The following GOT2 variants were observed in gnomAD, a reference collection of about 807,000 sequenced individuals.
GOT2 encodes aspartate aminotransferase, mitochondrial.
GOT2 carries 17 observed loss-of-function variants against 50.0 expected under a neutral mutation model. The ratio of observed to expected loss-of-function variants is 0.34; its 90% CI spans 0.23 to 0.51. The LOEUF is 0.51. Among genes scored for constraint, GOT2 ranks in the 20% least tolerant of loss-of-function variants. The pLI, the probability that GOT2 is intolerant of heterozygous loss-of-function variation, is 0.97. For synonymous variants in GOT2, 172 were observed against 204.9 expected (o/e 0.84, Z 1.37); for missense variants, 430 against 559.6 (o/e 0.77, Z 2.34).
At chr16:58,717,643 A>G (rs2044704739) in intron 6 of GOT2, among the ~76,000 whole-genome samples, 1 of 152,172 alleles carries the variant, frequency 6.6e-6, no homozygotes, top group South Asian at 2.1e-4. Flanking sequence ...GCCAGTGGAC[A>G]GGTTTTATCA....
At chr16:58,718,480 A>G (rs373852013) in intron 5 of GOT2, 47 bp downstream of exon 5, 1 of 1,519,312 alleles carries the variant, frequency 6.6e-7, no homozygotes, top group Non-Finnish European at 8.9e-7. Flanking sequence ...AAATGTCCGC[A>G]AGCAAGGAGT....
At chr16:58,721,482 C>T (rs1401275177) in intron 3 of GOT2, among the ~76,000 whole-genome samples, 1 of 152,114 alleles carries the variant, frequency 6.6e-6, no homozygotes, top group East Asian at 1.9e-4. Flanking sequence ...AAGCTTAGGA[C>T]ATGAGGGTGT....
intron 1 of GOT2, among the ~76,000 whole-genome samples, chr16:58,729,620 T>C (rs1221188109): frequency 6.6e-6 from 1 of 152,136 alleles, no homozygotes; most frequent in East Asian, 1.9e-4. Flanking sequence ...ATCATTCTTG[T>C]TAAATGGTGT....
At chr16:58,734,012 AGTGTGTGT>A in intron 1 of GOT2, 120 bp downstream of exon 1, 2 of 433,094 alleles carry the variant, frequency 4.6e-6, no homozygotes, top group Non-Finnish European at 7.8e-6. Flanking sequence ...GTGGCAGAAA[AGTGTGTGT>A]GTGTGCGTGT....
rs77969913 is a variant in GOT2, at chr16:58,724,421, T to G, written c.90-519A>C. Among the ~76,000 whole-genome samples, 134 of 152,166 alleles carry G rather than the reference T, an allele frequency of 8.8e-4. 2 individuals carry two copies. In the East Asian group the frequency reaches 0.017, roughly 20 times the overall value. On this transcript the variant is annotated intron_variant, in intron 1 of 9. Transcript: ENST00000245206. ...CAGCCTCCGTGAGCCAAAACAGTAT[T>G]GATTTACAGAAAATTGAGCAGATAG...
intron 8 of GOT2, among the ~76,000 whole-genome samples, chr16:58,710,165 C>T (rs30840): frequency 0.74 from 112,258 of 152,004 alleles, 42,021 homozygotes; most frequent in Middle Eastern, 0.89. Flanking sequence ...CCCAGAGTGC[C>T]GGGATTACAG....
chr16:58,716,553 T>C (rs1300132146), intron 7 of GOT2, 110 bp downstream of exon 7: 12 of 838,874 alleles, frequency 1.4e-5, no homozygotes, highest in Non-Finnish European at 1.8e-5. Context: ...GACATGGACA[T>C]GGATGGACAC....
intron 1 of GOT2, among the ~76,000 whole-genome samples, chr16:58,725,700 T>A (rs1414922466): frequency 6.6e-6 from 1 of 152,218 alleles, no homozygotes; most frequent in Non-Finnish European, 1.5e-5. Context: ...CTGCGTGTGT[T>A]CACGAGTTTT....
intron 6 of GOT2, among the ~76,000 whole-genome samples, chr16:58,717,735 GGCTGGAGT>G (rs2044705527): frequency 6.6e-6 from 1 of 152,138 alleles, no homozygotes; most frequent in African/African-American, 2.4e-5. Context: ...TTGTTGCCCA[GGCTGGAGT>G]GCAGTGGCAC....
At chr16:58,708,861 G>C (rs1482746414) in intron 9 of GOT2, among the ~76,000 whole-genome samples, 2 of 141,408 alleles carry the variant, frequency 1.4e-5, no homozygotes, top group Non-Finnish European at 3.1e-5. Flanking sequence ...AAAAAAAAAA[G>C]CAAAATAAAT....
In GOT2 at chr16:58,708,140, A is replaced by G. The variant is rs1183854655; in HGVS notation, c.*31T>C. The G allele has an allele frequency of 6.2e-7, 1 of 1,609,756 alleles. No individual in the cohort carries two copies. Among genetic ancestry groups the G allele is most frequent in the Non-Finnish European group, 8.5e-7 (1 of 1,177,638 alleles). On this transcript the variant is annotated 3_prime_UTR_variant, in exon 10 of 10. Transcript: ENST00000245206. ...TCAATAGCAGAGGCTGAAGACAGAA[A>G]GGTTGTCTCTGTTTCCTCGCACCAG... is the stretch of plus-strand genomic sequence containing the variant.
At chr16:58,718,055 C>A (rs979061103) in intron 6 of GOT2, 141 bp downstream of exon 6, 1 of 724,444 alleles carries the variant, frequency 1.4e-6, no homozygotes, top group Admixed American at 2.0e-5. Context: ...AATGGGGAGC[C>A]CTTTTCTGGC....
At chr16:58,732,843 T>C (rs1300356198) in intron 1 of GOT2, among the ~76,000 whole-genome samples, 1 of 152,246 alleles carries the variant, frequency 6.6e-6, no homozygotes, top group Non-Finnish European at 1.5e-5. Flanking sequence ...CTCCTTTGGT[T>C]TTCCAAATTT....
rs1165194424 is a variant in GOT2, at chr16:58,707,892, C to T, written c.*279G>A. ...GGCATAATTGACAGGTTTTTTGGTG[C>T]GATGACTTTCTTGCACATGTAAACT... is the stretch of plus-strand genomic sequence containing the variant. On this transcript the variant is annotated 3_prime_UTR_variant, in exon 10 of 10. Coordinates refer to ENST00000245206, the MANE Select transcript of GOT2 (RefSeq NM_002080.4). 11 of 249,934 alleles carry T rather than the reference C, an allele frequency of 4.4e-5. No homozygotes were observed. Among genetic ancestry groups the T allele is most frequent in the East Asian group, 2.5e-4 (3 of 11,978 alleles). The allele number at this position is 249,934 out of a possible 1,614,324, so 15.5% of individuals were successfully genotyped here.
chr16:58,719,268 T>G lies in GOT2; in HGVS notation c.376-13A>C. On this transcript the variant is annotated splice_polypyrimidine_tract_variant and intron_variant, in intron 3 of 9. Transcript: ENST00000245206. ...GCACAGTGACAAACTGAAGGAGAGATACCCACGGTCAGTGATGTGCAACAC... is the reference window on the plus strand; with the variant it reads ...GCACAGTGACAAACTGAAGGAGAGAGACCCACGGTCAGTGATGTGCAACAC... 6.2e-7 allele frequency: 1 copy of G among 1,606,322 alleles called. No homozygotes were observed. The highest frequency in any genetic ancestry group is 1.7e-5 in the Admixed American group (1 of 59,982).
chr16:58,723,778 C>T lies in GOT2; in HGVS notation c.214G>A (p.Gly72Arg), dbSNP rs755641932. 8 of 1,613,204 alleles carry T rather than the reference C, an allele frequency of 5.0e-6. No homozygotes were observed. Among genetic ancestry groups the T allele is most frequent in the South Asian group, 2.2e-5 (2 of 91,064 alleles). The change falls in exon 2 of 10, where the codon GGA (glycine) becomes AGA (arginine). Residue 72 changes from glycine to arginine, a missense_variant. Transcript: ENST00000245206. ...ACGCTAGGCAGAACGTAAGGCTTTC[C>T]ATTATCATCCCGGTAGGCACCAACT... ...LGVGAYRDDN[G>R]KPYVLPSVRK...
At chr16:58,720,879 C>T (rs1410720982) in intron 3 of GOT2, among the ~76,000 whole-genome samples, 2 of 152,120 alleles carry the variant, frequency 1.3e-5, no homozygotes, top group African/African-American at 4.8e-5. Flanking sequence ...AGCCACTGCG[C>T]CCGGCTGAGG....
chr16:58,718,398 G>A (rs1741515059), intron 5 of GOT2, 98 bp from the exon 6 acceptor site: 11 of 1,352,808 alleles, frequency 8.1e-6, no homozygotes, highest in Non-Finnish European at 9.4e-6. Context: ...AGTAACAAAG[G>A]TAACCAGAAC....
rs2044861641 is a variant in GOT2, at chr16:58,734,290, C to A, written c.-62G>T. On this transcript the variant is annotated 5_prime_UTR_variant, in exon 1 of 10. Transcript: ENST00000245206. ...GGAGCAGAGGGCGAGCGGACACACACACAGGGAACCGGCTCCTGCTGAAGG... is the reference window on the plus strand; with the variant it reads ...GGAGCAGAGGGCGAGCGGACACACAAACAGGGAACCGGCTCCTGCTGAAGG... 1.1e-6 allele frequency: 1 copy of A among 896,592 alleles called. No homozygotes were observed. The highest frequency in any genetic ancestry group is 1.5e-6 in the Non-Finnish European group (1 of 668,786). The allele number at this position is 896,592 out of a possible 1,614,324, so 55.5% of individuals were successfully genotyped here. A position where few individuals can be genotyped will look rare whatever the true frequency, so the allele number is the denominator to read the frequency against.
Sources: gnomAD v4.1 joint callset for allele counts (sites outside exome capture counted in the v4.1 genomes callset) on GRCh38, gnomAD v4.1.1 for gene constraint, MANE v1.5 for transcripts, NCBI Gene and HGNC (gene_info 2026-07-23, HGNC 2026-07-21) for gene names.